Variants in CAMTA1 observed in about 807,000 individuals in gnomAD.
CAMTA1 encodes the protein calmodulin-binding transcription activator 1.
CAMTA1 carries 27 observed loss-of-function variants against 170.9 expected under a neutral mutation model. The ratio of observed to expected loss-of-function variants is 0.16; its 90% CI spans 0.12 to 0.22. The LOEUF (loss-of-function observed/expected upper bound fraction) is 0.22, where lower values mean the gene tolerates loss of function less well. CAMTA1 is among the 10% of genes least tolerant of loss of function. CAMTA1 has a pLI of 1.00. For synonymous variants in CAMTA1, 833 were observed against 891.5 expected (o/e 0.93, Z 1.17); for missense variants, 1,619 against 2,217.2 (o/e 0.73, Z 5.42).
rs1709099597 is a variant in CAMTA1 at position 7,067,418 on chromosome 1, A to T, written c.235-23886A>T. Among the ~76,000 whole-genome samples the T allele has an allele frequency of 6.6e-6, 1 of 151,426 alleles. No homozygotes were observed. Among genetic ancestry groups the T allele is most frequent in the African/African-American group, 2.4e-5 (1 of 41,098 alleles). On this transcript the variant is annotated intron_variant, in intron 3 of 22. Coordinates refer to ENST00000303635, the MANE Select transcript of CAMTA1 (RefSeq NM_015215.4). The surrounding 1 kb of genome is among the most constrained non-coding windows in gnomAD (Gnocchi z 4.3). ...AACCAATTAGGTTCTTACTTGCTGAATTCTTCTTCTTCTTCTTCTGCTTCT... is the reference window on the plus strand; with the variant it reads ...AACCAATTAGGTTCTTACTTGCTGATTTCTTCTTCTTCTTCTTCTGCTTCT...
At chr1:6,939,696 C>G (rs1403851974) in intron 3 of CAMTA1, among the ~76,000 whole-genome samples, 1 of 152,234 alleles carries the variant, frequency 6.6e-6, no homozygotes, top group Non-Finnish European at 1.5e-5. Context: ...GCACAGAAGC[C>G]CTTCTTGCTG....
At chr1:7,431,126 A>G (rs2092135611) in intron 5 of CAMTA1, among the ~76,000 whole-genome samples, 2 of 152,350 alleles carry the variant, frequency 1.3e-5, no homozygotes, top group Admixed American at 6.5e-5. Context: ...ACACTTTATG[A>G]GGACTCAGGG....
chr1:7,293,686 G>T lies in CAMTA1; in HGVS notation c.438+44060G>T, dbSNP rs1673490703. Among the ~76,000 whole-genome samples the T allele has an allele frequency of 6.6e-6, 1 of 152,190 alleles. No individual in the cohort carries two copies. ...TGCATCCCACTTAGGACTCTCAGTG[G>T]GGGAGTCTAAACATGAATTATCCCA... On this transcript the variant is annotated intron_variant, in intron 5 of 22. Transcript: ENST00000303635. The surrounding 1 kb of genome is among the most constrained non-coding windows in gnomAD (Gnocchi z 4.1).
intron 11 of CAMTA1, among the ~76,000 whole-genome samples, chr1:7,690,036 G>A (rs2096293464): frequency 6.6e-6 from 1 of 152,212 alleles, no homozygotes. Context: ...GCAGGCGCCT[G>A]TAATCCCAGC....
intron 3 of CAMTA1, among the ~76,000 whole-genome samples, chr1:6,911,483 C>T (rs1199577005): frequency 1.3e-5 from 2 of 152,196 alleles, no homozygotes; most frequent in African/African-American, 4.8e-5. Context: ...CAGTGTCTTC[C>T]TGTGTTTGAG....
rs1258218862 is a variant in CAMTA1 at position 7,565,298 on chromosome 1, G to A, written c.511-75102G>A. Among the ~76,000 whole-genome samples the A allele has an allele frequency of 1.3e-5, 2 of 152,182 alleles. No individual in the cohort carries two copies. The highest frequency in any genetic ancestry group is 4.8e-5 in the African/African-American group (2 of 41,444). ...GTGGGCGCTGCCTTTGGGGCCCACG[G>A]GCCTATGGGGATGGGAGTGAGGCAG... On this transcript the variant is annotated intron_variant, in intron 6 of 22. Coordinates refer to ENST00000303635, the MANE Select transcript of CAMTA1 (RefSeq NM_015215.4). This position sits in a 1 kb window ranked among gnomAD's most constrained non-coding sequence, Gnocchi z 4.5.
chr1:7,418,908 C>T (rs115809656), intron 5 of CAMTA1, among the ~76,000 whole-genome samples: 1,588 of 152,278 alleles, frequency 0.01, 29 homozygotes, highest in African/African-American at 0.036. Context: ...ACCCCAGGCG[C>T]TTCTGGCCAT....
At chr1:6,959,323 G>C (rs1689985777) in intron 3 of CAMTA1, among the ~76,000 whole-genome samples, 1 of 152,204 alleles carries the variant, frequency 6.6e-6, no homozygotes, top group Admixed American at 6.5e-5. Flanking sequence ...CAGGTGGAGG[G>C]GTCCCCCATA....
intron 3 of CAMTA1, among the ~76,000 whole-genome samples, chr1:6,851,121 TG>T (rs1230166124): frequency 6.6e-6 from 1 of 152,100 alleles, no homozygotes; most frequent in African/African-American, 2.4e-5. Context: ...CAACAGACTA[TG>T]GAAGTGGATC....
intron 4 of CAMTA1, among the ~76,000 whole-genome samples, chr1:7,147,615 T>TCA (rs896623929): frequency 7.3e-6 from 1 of 137,756 alleles, no homozygotes; most frequent in African/African-American, 2.7e-5. Context: ...CACTCATACA[T>TCA]CACACACACA....
intron 9 of CAMTA1, among the ~76,000 whole-genome samples, chr1:7,669,535 G>T (rs940547967): frequency 1.3e-5 from 2 of 152,240 alleles, no homozygotes; most frequent in Non-Finnish European, 2.9e-5. Flanking sequence ...GAGTTGGGGG[G>T]TAGGGAATCA....
rs1308459872 is a variant in CAMTA1 at position 7,251,837 on chromosome 1, A to T, written c.438+2211A>T. Among the ~76,000 whole-genome samples, 1 of 152,056 alleles carries T rather than the reference A, an allele frequency of 6.6e-6. No individual in the cohort carries two copies. Among genetic ancestry groups the T allele is most frequent in the Non-Finnish European group, 1.5e-5 (1 of 68,008 alleles). ...CAGATGGGATACAAGCTGAGCCCTT[A>T]AAGTCGGGTGGGACTCTGTGTGTGT... On this transcript the variant is annotated intron_variant, in intron 5 of 22. Coordinates refer to ENST00000303635, the MANE Select transcript of CAMTA1 (RefSeq NM_015215.4). The surrounding 1 kb of genome is among the most constrained non-coding windows in gnomAD (Gnocchi z 5.1).
chr1:7,348,244 C>T (rs1276922159), intron 5 of CAMTA1, among the ~76,000 whole-genome samples: 2 of 152,208 alleles, frequency 1.3e-5, no homozygotes, highest in African/African-American at 4.8e-5. Context: ...CCTCCTGGCC[C>T]AGCTTCAGCG....
chr1:6,817,269 G>T (rs950215909), intron 1 of CAMTA1, among the ~76,000 whole-genome samples: 1 of 152,126 alleles, frequency 6.6e-6, no homozygotes, highest in South Asian at 2.1e-4. Flanking sequence ...ATCTTATACC[G>T]TCAGTTTTTG....
intron 10 of CAMTA1, among the ~76,000 whole-genome samples, chr1:7,671,535 G>T (rs1399243260): frequency 3.3e-5 from 5 of 152,240 alleles, no homozygotes; most frequent in African/African-American, 1.2e-4. Context: ...TGGGCAGGGG[G>T]CAGAAGGCTG....
chr1:6,998,042 C>A (rs1165024817), intron 3 of CAMTA1, among the ~76,000 whole-genome samples: 1 of 151,810 alleles, frequency 6.6e-6, no homozygotes, highest in Non-Finnish European at 1.5e-5. Flanking sequence ...GTGATCTTAA[C>A]CTCACTAAAT....
rs1396166052 is a variant in CAMTA1, at chr1:7,456,828, G to A, written c.439-11002G>A. Among the ~76,000 whole-genome samples the A allele has an allele frequency of 6.6e-6, 1 of 152,244 alleles. No individual in the cohort carries two copies. Among genetic ancestry groups the A allele is most frequent in the Non-Finnish European group, 1.5e-5 (1 of 68,036 alleles). On this transcript the variant is annotated intron_variant, in intron 5 of 22. Transcript: ENST00000303635. This position sits in a 1 kb window ranked among gnomAD's most constrained non-coding sequence, Gnocchi z 4.9. ...CTGGCTGAACGTCCTCAGAGGGTGG[G>A]AAAACAGGCAGGTGAGAGTGGCCAG... is the stretch of plus-strand genomic sequence containing the variant.
chr1:7,247,629 G>A (rs1271297607), intron 4 of CAMTA1, among the ~76,000 whole-genome samples: 1 of 152,124 alleles, frequency 6.6e-6, no homozygotes, highest in South Asian at 2.1e-4. Context: ...CACACGCAGA[G>A]CCCACCTGTT....
chr1:7,535,561 C>T (rs564308644), intron 6 of CAMTA1, among the ~76,000 whole-genome samples: 31 of 152,320 alleles, frequency 2.0e-4, no homozygotes, highest in South Asian at 6.2e-4. Flanking sequence ...CTTCTGTACC[C>T]GGGAAACCTC....
Sources: allele counts gnomAD v4.1 joint callset (sites outside exome capture counted in the v4.1 genomes callset), GRCh38; gene constraint gnomAD v4.1.1; non-coding constraint Gnocchi (gnomAD v3.1); transcripts MANE v1.5; gene names NCBI Gene and HGNC (gene_info 2026-07-23, HGNC 2026-07-21).